PSMD9: variants seen among roughly 807,000 people sequenced by gnomAD.
PSMD9 encodes the protein proteasome 26S subunit, non-ATPase 9.
A neutral mutation model predicts 25.9 loss-of-function variants in PSMD9; 26 were observed. The ratio of observed to expected loss-of-function variants is 1.00; its 90% confidence interval spans 0.73 to 1.39. The LOEUF (loss-of-function observed/expected upper bound fraction) is 1.39, where lower values mean the gene tolerates loss of function less well. Among genes scored for constraint, PSMD9 ranks in the 40% most tolerant of loss-of-function variants. The pLI is 0.00. For synonymous variants in PSMD9, 110 were observed against 114.5 expected, an observed-to-expected ratio of 0.96 and a Z score of 0.25; for missense variants, 303 against 299.3, an observed-to-expected ratio of 1.01 and a Z score of -0.09.
At chr12:121,899,397 T>C in intron 2 of PSMD9, 1 of 507,262 alleles carries the variant, frequency 2.0e-6, no homozygotes, top group South Asian at 2.6e-5. Context: ...ACTTTGCTGC[T>C]GGCCAGGCCT....
At chr12:121,900,428 C>T (rs7309024) in intron 3 of PSMD9, among the ~76,000 whole-genome samples, 68,216 of 151,564 alleles carry the variant, frequency 0.45, 15,947 homozygotes, top group Non-Finnish European at 0.49. Flanking sequence ...CATTGGCTCA[C>T]GCCTGTAATC....
At chr12:121,903,191 G>T (rs11043237) in intron 4 of PSMD9, 84 bp downstream of exon 4, 13 of 1,251,526 alleles carry the variant, frequency 1.0e-5, no homozygotes, top group Non-Finnish European at 3.5e-6. Context: ...AACAACAGAA[G>T]TTCATTTTTC....
At chr12:121,891,359 G>A (rs1745838791) in intron 1 of PSMD9, among the ~76,000 whole-genome samples, 2 of 147,402 alleles carry the variant, frequency 1.4e-5, no homozygotes, top group South Asian at 4.3e-4. Flanking sequence ...CCAGCACTTT[G>A]GGAGGCCGAG....
chr12:121,915,892 A>G lies in PSMD9; in HGVS notation c.592A>G (p.Lys198Glu), dbSNP rs747724318. 2 of 1,613,976 alleles carry G rather than the reference A, an allele frequency of 1.2e-6. No individual in the cohort carries two copies. Among genetic ancestry groups the G allele is most frequent in the Admixed American group, 1.7e-5 (1 of 59,950 alleles). Residue 198 changes from lysine (K) to glutamate (E), a missense_variant, in exon 5 of 6, where the codon AAA becomes GAA. Transcript: ENST00000541212. ...LNVTVIRRGE[K>E]HQLRLVPTRW... ...TGTGACAGTGATCCGCAGGGGGGAAAAACACCAGCTTAGACTTGTTCCAAC... is the reference window on the plus strand; with the variant it reads ...TGTGACAGTGATCCGCAGGGGGGAAGAACACCAGCTTAGACTTGTTCCAAC...
intron 1 of PSMD9, 123 bp downstream of exon 1, chr12:121,889,117 G>C: frequency 7.9e-7 from 1 of 1,261,496 alleles, no homozygotes; most frequent in South Asian, 1.5e-5. Flanking sequence ...GGCCCAAGGC[G>C]CCGCAAGTGC....
chr12:121,915,772 G>A lies in PSMD9; in HGVS notation c.556-84G>A, dbSNP rs1457410704. 3.4e-6 allele frequency: 4 copies of A among 1,172,666 alleles called. No individual in the cohort carries two copies. The East Asian group carries it at 1.0e-4, about 30-fold the overall frequency. 72.6% of individuals were successfully genotyped at this position (1,172,666 alleles called of 1,614,324 possible). A position where few individuals can be genotyped will look rare whatever the true frequency, so the allele number is the denominator to read the frequency against. On this transcript the variant is annotated intron_variant, in intron 4 of 5. Coordinates refer to ENST00000541212, the MANE Select transcript of PSMD9 (RefSeq NM_002813.7). ...ATGTAAATCTTTACCAATTTGATAG[G>A]CAAAAAATGGGATCTCAGCATTTTA...
chr12:121,903,154 A>G, intron 4 of PSMD9, 47 bp downstream of exon 4: 2 of 1,479,892 alleles, frequency 1.4e-6, no homozygotes, highest in Non-Finnish European at 1.9e-6. Flanking sequence ...TTTTTCTAAC[A>G]GTATGCCATA....
At chr12:121,900,553 C>T (rs991811757) in intron 3 of PSMD9, among the ~76,000 whole-genome samples, 1 of 147,760 alleles carries the variant, frequency 6.8e-6, no homozygotes, top group Non-Finnish European at 1.5e-5. Flanking sequence ...CATGCCACTG[C>T]ACTCCAGCCT....
chr12:121,909,802 C>T (rs1678958), intron 4 of PSMD9, among the ~76,000 whole-genome samples: 5,536 of 152,236 alleles, frequency 0.036, 320 homozygotes, highest in African/African-American at 0.13. Flanking sequence ...CCATGTTCGA[C>T]ATTTAGGTTG....
intron 1 of PSMD9, 148 bp downstream of exon 1, chr12:121,889,142 CAAG>C (rs1878983947): frequency 9.9e-7 from 1 of 1,007,726 alleles, no homozygotes; most frequent in Admixed American, 2.9e-5. Context: ...TCTGTCGGCA[CAAG>C]AAGGCAGGCA....
intron 3 of PSMD9, 96 bp from the exon 4 acceptor site, chr12:121,902,910 C>A: frequency 1.0e-6 from 1 of 976,994 alleles, no homozygotes; most frequent in Non-Finnish European, 1.6e-6. Context: ...AAAACAAGCT[C>A]GTGACCTTGG....
chr12:121,917,899 T>C lies in PSMD9; in HGVS notation c.*1588T>C, dbSNP rs1033128075. 1.3e-4 allele frequency: 20 copies of C among 152,250 alleles called. No individual in the cohort carries two copies. Among genetic ancestry groups the C allele is most frequent in the African/African-American group, 4.6e-4 (19 of 41,468 alleles). The allele number at this position is 152,250 out of a possible 1,614,324, so 9.4% of individuals were successfully genotyped here. ...TTTTTATTTTAAGATGTATGCATATTAATCAATTTACCATCACTGGGGCAT... is the reference window on the plus strand; with the variant it reads ...TTTTTATTTTAAGATGTATGCATATCAATCAATTTACCATCACTGGGGCAT... On this transcript the variant is annotated 3_prime_UTR_variant, in exon 6 of 6. Transcript: ENST00000541212.
chr12:121,896,582 A>C (rs1879235640), intron 2 of PSMD9, among the ~76,000 whole-genome samples: 1 of 152,080 alleles, frequency 6.6e-6, no homozygotes, highest in African/African-American at 2.4e-5. Context: ...CACGCCTGTA[A>C]TCCCAGCACA....
chr12:121,897,500 G>A (rs988823143), intron 2 of PSMD9: 1 of 152,224 alleles, frequency 6.6e-6, no homozygotes, highest in Non-Finnish European at 1.5e-5. Context: ...TTGAACTCCT[G>A]ACCTCAGGTG....
intron 1 of PSMD9, among the ~76,000 whole-genome samples, chr12:121,889,591 ATT>A (rs1436870329): frequency 1.3e-5 from 2 of 152,144 alleles, no homozygotes; most frequent in Non-Finnish European, 2.9e-5. Flanking sequence ...TAAAATGCAG[ATT>A]TTGTTTGAGG....
Position 121,888,960 on chromosome 12 carries a change from C to G in PSMD9, c.104C>G (p.Ala35Gly). The G allele has an allele frequency of 1.9e-6, 3 of 1,591,150 alleles. No homozygotes were observed. The highest frequency in any genetic ancestry group is 2.6e-6 in the Non-Finnish European group (3 of 1,169,356). Residue 35 changes from alanine (A) to glycine (G), a missense_variant, in exon 1 of 6, where the codon GCG becomes GGG. Physicochemically the swap from Ala to Gly is moderately conservative, Grantham distance 60. Transcript: ENST00000541212. The part of the protein sequence containing the change: ...ELMRRKEEIE[A>G]QIKANYDVLE... ...ATGCGGCGCAAGGAGGAGATAGAAGCGCAGATCAAGGCCAACTATGACGTG... is the reference window on the plus strand; with the variant it reads ...ATGCGGCGCAAGGAGGAGATAGAAGGGCAGATCAAGGCCAACTATGACGTG...
chr12:121,896,227 T>C (rs1365075938), intron 2 of PSMD9, among the ~76,000 whole-genome samples: 1 of 152,078 alleles, frequency 6.6e-6, no homozygotes, highest in African/African-American at 2.4e-5. Context: ...CCCAGCACTT[T>C]GGGAAGCCAA....
intron 3 of PSMD9, chr12:121,902,568 C>G (rs1235314586): frequency 5.5e-6 from 1 of 183,432 alleles, no homozygotes; most frequent in Non-Finnish European, 1.2e-5. Context: ...TTGGATGCGC[C>G]CTGTGCCTGT....
In PSMD9 at chr12:121,899,661, T is replaced by A; in HGVS notation, c.269T>A (p.Met90Lys). ...CTGCAGAATGATCACAAGGCAGTGA[T>A]GAAGCAGGTGGAGGAGGCCCTGCAC... ...ICLQNDHKAV[M>K]KQVEEALHQL... The change falls in exon 3 of 6, where the codon ATG (methionine) becomes AAG (lysine). Residue 90 changes from methionine to lysine, a missense_variant. Physicochemically the swap from Met to Lys is moderately conservative, Grantham distance 95. Coordinates refer to ENST00000541212, the MANE Select transcript of PSMD9 (RefSeq NM_002813.7). The A allele has an allele frequency of 6.2e-7, 1 of 1,611,740 alleles. No individual in the cohort carries two copies. Among genetic ancestry groups the A allele is most frequent in the Non-Finnish European group, 8.5e-7 (1 of 1,179,028 alleles).
Sources: gnomAD v4.1 joint callset for allele counts (sites outside exome capture counted in the v4.1 genomes callset) on GRCh38, gnomAD v4.1.1 for gene constraint, MANE v1.5 for transcripts, NCBI Gene and HGNC (gene_info 2026-07-23, HGNC 2026-07-21) for gene names.